The following ROR2 variants were observed in gnomAD, a reference collection of about 807,000 sequenced individuals.
ROR2 encodes the protein tyrosine-protein kinase transmembrane receptor ROR2.
A neutral mutation model predicts 74.9 loss-of-function variants in ROR2; 33 were observed. The ratio of observed to expected loss-of-function variants is 0.44; its 90% CI spans 0.33 to 0.59. The LOEUF is 0.59. Among genes scored for constraint, ROR2 ranks in the 20% least tolerant of loss-of-function variants. ROR2 has a pLI of 0.02. For synonymous variants in ROR2, 586 were observed against 558.7 expected (o/e 1.05, Z -0.69); for missense variants, 1,216 against 1,313.8 (o/e 0.93, Z 1.15).
At chr9:91,908,635 G>T (rs1238382249) in intron 1 of ROR2, among the ~76,000 whole-genome samples, 1 of 152,030 alleles carries the variant, frequency 6.6e-6, no homozygotes, top group Non-Finnish European at 1.5e-5. Flanking sequence ...CAGTCTCAAA[G>T]AAATAAGTTT....
At chr9:91,881,630 T>G (rs1830114571) in intron 1 of ROR2, among the ~76,000 whole-genome samples, 1 of 152,344 alleles carries the variant, frequency 6.6e-6, no homozygotes, top group Non-Finnish European at 1.5e-5. Context: ...ATTTATACTA[T>G]TTTTCTTCTA....
intron 1 of ROR2, among the ~76,000 whole-genome samples, chr9:91,900,381 G>A (rs950498297): frequency 1.3e-5 from 2 of 152,236 alleles, no homozygotes; most frequent in Non-Finnish European, 2.9e-5. Context: ...AGGCACAGCA[G>A]GCAGCCGACC....
intron 1 of ROR2, among the ~76,000 whole-genome samples, chr9:91,864,183 C>A (rs1260536718): frequency 6.6e-6 from 1 of 152,194 alleles, no homozygotes; most frequent in Non-Finnish European, 1.5e-5. Flanking sequence ...TCCCCGAATT[C>A]AAATTCGACA....
chr9:91,950,053 T>C lies in ROR2; in HGVS notation c.-90A>G, dbSNP rs1587871077. On this transcript the variant is annotated 5_prime_UTR_variant, in exon 1 of 9. Transcript: ENST00000375708. ...CCACCCCTTTCTACGATGCGTCCGC[T>C]CCTCCTTCTCCCTGGCGCTTCGCAA... 22 of 561,060 alleles carry C rather than the reference T, an allele frequency of 3.9e-5. 1 individual carries two copies. The highest frequency in any genetic ancestry group is 3.0e-4 in the African/African-American group (15 of 49,626). The allele number at this position is 561,060 out of a possible 1,614,324, so 34.8% of individuals were successfully genotyped here.
intron 1 of ROR2, among the ~76,000 whole-genome samples, chr9:91,799,875 C>G (rs1302274562): frequency 6.6e-6 from 1 of 152,232 alleles, no homozygotes; most frequent in African/African-American, 2.4e-5. Flanking sequence ...AACCCCCACA[C>G]AGTGGCACCC....
intron 1 of ROR2, among the ~76,000 whole-genome samples, chr9:91,893,402 T>A (rs887358818): frequency 4.0e-5 from 6 of 151,898 alleles, no homozygotes; most frequent in African/African-American, 1.5e-4. Context: ...ATCATGCCAC[T>A]GCACTCCAGC....
At chr9:91,766,245 C>A (rs77270173) in intron 2 of ROR2, among the ~76,000 whole-genome samples, 6,457 of 152,286 alleles carry the variant, frequency 0.042, 284 homozygotes, top group East Asian at 0.16. Context: ...CAGAATTCGG[C>A]CCTTGGTCTC....
chr9:91,733,557 C>G lies in ROR2; in HGVS notation c.623-121G>C. ...CACTCAGCCCCCTGATGCCCCGCCC[C>G]GCCCCAGACTCCCCAACCCCGAGCC... On this transcript the variant is annotated intron_variant, in intron 5 of 8. Transcript: ENST00000375708. The surrounding 1 kb of genome is among the most constrained non-coding windows in gnomAD (Gnocchi z 5.7). The G allele has an allele frequency of 9.0e-7, 1 of 1,109,864 alleles. No individual in the cohort carries two copies. The highest frequency in any genetic ancestry group is 1.3e-6 in the Non-Finnish European group (1 of 779,650). The allele number at this position is 1,109,864 out of a possible 1,614,324, so 68.8% of individuals were successfully genotyped here.
At chr9:91,927,562 CTTTTT>C (rs775823582) in intron 1 of ROR2, among the ~76,000 whole-genome samples, 4 of 94,944 alleles carry the variant, frequency 4.2e-5, no homozygotes, top group East Asian at 3.0e-4. Flanking sequence ...TTTCTAGATT[CTTTTT>C]TTTTTTTTTT....
intron 1 of ROR2, among the ~76,000 whole-genome samples, chr9:91,821,652 T>C (rs1276525344): frequency 1.1e-4 from 16 of 152,340 alleles, no homozygotes; most frequent in Non-Finnish European, 2.2e-4. Context: ...GAGTCAACCA[T>C]TGTCAGTGCC....
In ROR2 at chr9:91,725,086, G is replaced by A. The variant is rs749938121; in HGVS notation, c.1408C>T (p.Leu470=). 3.1e-6 allele frequency: 5 copies of A among 1,613,986 alleles called. No homozygotes were observed. Among genetic ancestry groups the A allele is most frequent in the Non-Finnish European group, 4.2e-6 (5 of 1,180,040 alleles). Residue 470 remains leucine (L), a synonymous_variant, in exon 9 of 9, where the codon CTG becomes TTG. Coordinates refer to ENST00000375708, the MANE Select transcript of ROR2 (RefSeq NM_004560.4). ...TCCTCCATGAACCTCACCGCAGACA[G>A]GCTGATCTCTTTGAGTTTGGCCTGT... The part of the protein sequence containing the change: ...HKQAKLKEIS[L]SAVRFMEELG...
At position 91,733,087 on chromosome 9, in the gene ROR2, C is replaced by G. The variant is rs1426629877; in HGVS notation, c.937+35G>C. ...TTTCAAGGGCCCTACACTCCCTGCG[C>G]CCCCCGGTCCCGCCCCGGGCCCTCG... On this transcript the variant is annotated intron_variant, in intron 6 of 8. Coordinates refer to ENST00000375708, the MANE Select transcript of ROR2 (RefSeq NM_004560.4). The surrounding 1 kb of genome is among the most constrained non-coding windows in gnomAD (Gnocchi z 5.7). The G allele has an allele frequency of 3.2e-6, 5 of 1,544,616 alleles. No homozygotes were observed. The highest frequency in any genetic ancestry group is 1.4e-5 in the African/African-American group (1 of 73,556).
At chr9:91,808,869 G>A (rs920607886) in intron 1 of ROR2, among the ~76,000 whole-genome samples, 2 of 151,212 alleles carry the variant, frequency 1.3e-5, no homozygotes, top group South Asian at 2.1e-4. Context: ...CGGGCGTGGT[G>A]GCACGTGCCT....
intron 1 of ROR2, among the ~76,000 whole-genome samples, chr9:91,779,198 G>C (rs1302794011): frequency 6.6e-6 from 1 of 151,794 alleles, no homozygotes; most frequent in Non-Finnish European, 1.5e-5. Context: ...GGTGTGGGGT[G>C]TGTGGGGGCT....
chr9:91,853,603 G>T (rs1055291583), intron 1 of ROR2, among the ~76,000 whole-genome samples: 3 of 152,126 alleles, frequency 2.0e-5, no homozygotes, highest in Non-Finnish European at 4.4e-5. Flanking sequence ...CCCTATGACA[G>T]GCAGTGCTCC....
chr9:91,859,985 C>G (rs974676517), intron 1 of ROR2, among the ~76,000 whole-genome samples: 3 of 152,186 alleles, frequency 2.0e-5, no homozygotes, highest in Non-Finnish European at 2.9e-5. Context: ...CGGGCCTGGA[C>G]GCTGCTCCGG....
intron 1 of ROR2, among the ~76,000 whole-genome samples, chr9:91,853,948 A>C (rs973278653): frequency 6.6e-6 from 1 of 152,148 alleles, no homozygotes; most frequent in African/African-American, 2.4e-5. Context: ...TTTCCATCAT[A>C]GATTGGGCTC....
chr9:91,781,392 G>A (rs374675179), intron 1 of ROR2, among the ~76,000 whole-genome samples: 20 of 152,272 alleles, frequency 1.3e-4, no homozygotes, highest in African/African-American at 4.3e-4. Context: ...TACTCAGCTC[G>A]GCAACACGTC....
At chr9:91,904,617 A>G (rs1830764365) in intron 1 of ROR2, among the ~76,000 whole-genome samples, 2 of 152,274 alleles carry the variant, frequency 1.3e-5, no homozygotes, top group African/African-American at 4.8e-5. Flanking sequence ...CGCTTGGAGC[A>G]GCCACCAACA....
Sources: gnomAD v4.1 joint callset for allele counts (sites outside exome capture counted in the v4.1 genomes callset) on GRCh38, gnomAD v4.1.1 for gene constraint, Gnocchi (gnomAD v3.1) non-coding constraint, MANE v1.5 for transcripts, NCBI Gene and HGNC (gene_info 2026-07-23, HGNC 2026-07-21) for gene names.